The following FRAS1 variants were observed in gnomAD, a reference collection of about 807,000 sequenced individuals.
The protein encoded by FRAS1 is Fraser extracellular matrix complex subunit 1.
Under a neutral mutation model 435.2 loss-of-function variants are expected in FRAS1, and 290 were observed. The ratio of observed to expected loss-of-function variants is 0.67; its 90% CI spans 0.61 to 0.73. The LOEUF is 0.73. Ranked by LOEUF, FRAS1 falls within the 30% of genes least tolerant of loss-of-function variation. The pLI is 0.00. For synonymous variants in FRAS1, 1,800 were observed against 1,851.0 expected, an observed-to-expected ratio of 0.97 and a Z score of 0.71; for missense variants, 4,860 against 5,001.5, an observed-to-expected ratio of 0.97 and a Z score of 0.85.
chr4:78,463,814 A>G (rs1719442282), intron 47 of FRAS1, among the ~76,000 whole-genome samples: 1 of 152,200 alleles, frequency 6.6e-6, no homozygotes, highest in Admixed American at 6.5e-5. Context: ...AAGCCACCAT[A>G]ATTAAGTTAA....
chr4:78,322,475 C>T (rs1331321573), intron 18 of FRAS1, among the ~76,000 whole-genome samples: 2 of 152,132 alleles, frequency 1.3e-5, no homozygotes, highest in Non-Finnish European at 2.9e-5. Context: ...AAGAGAAAAA[C>T]AACTGTTTTC....
At chr4:78,403,465 G>T (rs1020856051) in intron 30 of FRAS1, among the ~76,000 whole-genome samples, 6 of 152,092 alleles carry the variant, frequency 3.9e-5, no homozygotes, top group African/African-American at 1.4e-4. Flanking sequence ...TGAAATTGGT[G>T]GTGGGAACTA....
chr4:78,286,633 G>T, intron 14 of FRAS1, 94 bp downstream of exon 14: 2 of 1,313,048 alleles, frequency 1.5e-6, no homozygotes, highest in Non-Finnish European at 2.1e-6. Flanking sequence ...GGAGCTGGAA[G>T]CACTTTTTCA....
chr4:78,374,411 G>A (rs116432230), intron 25 of FRAS1, among the ~76,000 whole-genome samples, 160 bp downstream of exon 25: 2,889 of 152,270 alleles, frequency 0.019, 36 homozygotes, highest in Middle Eastern at 0.037. Flanking sequence ...CATATCTGCC[G>A]TATGTTGGTT....
chr4:78,298,024 C>A (rs1245921865), intron 14 of FRAS1, among the ~76,000 whole-genome samples: 3 of 109,564 alleles, frequency 2.7e-5, no homozygotes, highest in East Asian at 6.1e-4. Flanking sequence ...CTCTCTCTCT[C>A]TCTCTCTATA....
Position 78,191,346 on chromosome 4 carries a change from A to G in FRAS1, c.109-46164A>G, listed in dbSNP as rs188744041. On this transcript the variant is annotated intron_variant, in intron 2 of 73. Transcript: ENST00000512123. ...TTCTCTCATTTAAAAAGATGTACCA[A>G]TTGTTGGCCTTGTCATCTAGCTTTT... is the stretch of plus-strand genomic sequence containing the variant. Among the ~76,000 whole-genome samples the G allele has an allele frequency of 2.0e-5, 3 of 152,228 alleles. No individual in the cohort carries two copies. In the East Asian group the frequency reaches 5.8e-4, roughly 29 times the overall value.
rs143808812 is a variant in FRAS1 at position 78,336,079 on chromosome 4, A to G, written c.2279-1595A>G. Among the ~76,000 whole-genome samples the G allele has an allele frequency of 4.7e-3, 714 of 152,316 alleles. 6 individuals are homozygous for G. Among genetic ancestry groups the G allele is most frequent in the Non-Finnish European group, 8.1e-3 (550 of 68,016 alleles). On this transcript the variant is annotated intron_variant, in intron 19 of 73. Transcript: ENST00000512123. ...TAATAAACTTATGACATGTTTTTAA[A>G]ATAAATTAATATCTGTTACATTCAT...
intron 19 of FRAS1, among the ~76,000 whole-genome samples, chr4:78,333,691 CAAT>C (rs1730037179): frequency 6.6e-6 from 1 of 152,200 alleles, no homozygotes; most frequent in Non-Finnish European, 1.5e-5. Context: ...GCCTGGAAGA[CAAT>C]GATCTGAATA....
chr4:78,093,091 G>A (rs1258436543), intron 2 of FRAS1, among the ~76,000 whole-genome samples: 3 of 152,156 alleles, frequency 2.0e-5, no homozygotes, highest in African/African-American at 7.2e-5. Flanking sequence ...TGGCAAAACT[G>A]GTTCACCACA....
At chr4:78,300,256 C>G (rs1728322261) in intron 14 of FRAS1, among the ~76,000 whole-genome samples, 1 of 152,068 alleles carries the variant, frequency 6.6e-6, no homozygotes, top group Non-Finnish European at 1.5e-5. Context: ...AAAACTTATC[C>G]AAAGCTTAAG....
At chr4:78,474,372 C>A (rs1336062629) in intron 53 of FRAS1, among the ~76,000 whole-genome samples, 1 of 152,128 alleles carries the variant, frequency 6.6e-6, no homozygotes, top group Non-Finnish European at 1.5e-5. Flanking sequence ...CAGAGACTCA[C>A]TATCCAAGAA....
At chr4:78,522,257 A>G (rs62310305) in intron 68 of FRAS1, among the ~76,000 whole-genome samples, 313 of 152,310 alleles carry the variant, frequency 2.1e-3, no homozygotes, top group Middle Eastern at 0.02. Flanking sequence ...TCTGATGCTG[A>G]TATTTCCATT....
At chr4:78,146,730 A>G (rs2110005889) in intron 2 of FRAS1, among the ~76,000 whole-genome samples, 1 of 152,292 alleles carries the variant, frequency 6.6e-6, no homozygotes, top group South Asian at 2.1e-4. Flanking sequence ...ATATAGTTAT[A>G]TCACAGTTTT....
intron 9 of FRAS1, among the ~76,000 whole-genome samples, chr4:78,274,963 G>A (rs563016590): frequency 6.6e-6 from 1 of 152,086 alleles, no homozygotes; most frequent in Non-Finnish European, 1.5e-5. Flanking sequence ...CTCTTTGTAG[G>A]TCTCTAAGGA....
At chr4:78,291,659 T>A (rs965083366) in intron 14 of FRAS1, among the ~76,000 whole-genome samples, 1 of 152,214 alleles carries the variant, frequency 6.6e-6, no homozygotes, top group South Asian at 2.1e-4. Context: ...TGACCATTGT[T>A]CTAGGTCCTG....
intron 2 of FRAS1, among the ~76,000 whole-genome samples, chr4:78,220,902 G>A (rs1033894847): frequency 6.6e-6 from 1 of 151,992 alleles, no homozygotes; most frequent in African/African-American, 2.4e-5. Flanking sequence ...TACAGGCTGG[G>A]CATGGTGGCT....
At chr4:78,520,119 C>G (rs987477735) in intron 67 of FRAS1, among the ~76,000 whole-genome samples, 3 of 151,664 alleles carry the variant, frequency 2.0e-5, no homozygotes, top group African/African-American at 7.3e-5. Context: ...ACCTCACCCC[C>G]ACTCAGTTTC....
intron 20 of FRAS1, among the ~76,000 whole-genome samples, chr4:78,360,058 TA>T (rs1731017660): frequency 6.6e-6 from 1 of 152,106 alleles, no homozygotes; most frequent in South Asian, 2.1e-4. Flanking sequence ...GAGACTTGAT[TA>T]GGAGGATAGA....
chr4:78,471,068 C>G (rs1171659692), intron 51 of FRAS1, among the ~76,000 whole-genome samples: 1 of 152,042 alleles, frequency 6.6e-6, no homozygotes, highest in Non-Finnish European at 1.5e-5. Context: ...GAGAAAGAAG[C>G]GGGGCATTTT....
Sources: allele counts gnomAD v4.1 joint callset (sites outside exome capture counted in the v4.1 genomes callset), GRCh38; gene constraint gnomAD v4.1.1; transcripts MANE v1.5; gene names NCBI Gene and HGNC (gene_info 2026-07-23, HGNC 2026-07-21).